The following PARK7 variants were observed in gnomAD, a reference collection of about 807,000 sequenced individuals.
PARK7 encodes Parkinsonism associated deglycase, also known as Parkinson disease protein 7.
A neutral mutation model predicts 20.5 loss-of-function variants in PARK7; 14 were observed. That is an observed-to-expected ratio of 0.68 (90% CI 0.45 to 1.07). The LOEUF (loss-of-function observed/expected upper bound fraction) is 1.07, where lower values mean the gene tolerates loss of function less well. PARK7 is among the 50% of genes least tolerant of loss of function. The pLI is 0.00. For missense variants in PARK7, 234 were observed against 238.1 expected, an observed-to-expected ratio of 0.98 and a Z score of 0.11; for synonymous variants, 98 against 84.3, an observed-to-expected ratio of 1.16 and a Z score of -0.89.
rs553447157 is a variant in PARK7 at position 7,970,034 on chromosome 1, ATTTTC to A, written c.252+635_252+639del. 5.9e-3 allele frequency among the ~76,000 whole-genome samples: 899 copies of A among 152,100 alleles called. 13 individuals are homozygous for A. Among genetic ancestry groups the A allele is most frequent in the African/African-American group, 0.021 (867 of 41,502 alleles). The stretch of plus-strand genomic sequence containing the variant: ...CATCGAGACGCCATCTCTACAAAAA[ATTTTC>A]TTTTAATTAGCTGGGCACGGTGGTG... On this transcript the variant is annotated intron_variant, in intron 4 of 6. Coordinates refer to ENST00000338639, the MANE Select transcript of PARK7 (RefSeq NM_007262.5).
At chr1:7,972,600 G>GT in intron 5 of PARK7, among the ~76,000 whole-genome samples, 1 of 152,222 alleles carries the variant, frequency 6.6e-6, no homozygotes, top group South Asian at 2.1e-4. Context: ...AGTAATTGTG[G>GT]TTTTTGCCAT....
In PARK7 at chr1:7,985,099, A is replaced by G; in HGVS notation, c.*45A>G. 6.3e-7 allele frequency: 1 copy of G among 1,599,908 alleles called. No homozygotes were observed. On this transcript the variant is annotated 3_prime_UTR_variant, in exon 7 of 7. Coordinates refer to ENST00000338639, the MANE Select transcript of PARK7 (RefSeq NM_007262.5). ...CACTTAGAGAAACAGGCCGTTAGGA[A>G]TCCATTCTCACTGTGTTCGCTCTAA...
intron 6 of PARK7, chr1:7,983,038 C>T (rs1395582448): frequency 6.6e-6 from 1 of 152,162 alleles, no homozygotes; most frequent in Non-Finnish European, 1.5e-5. Flanking sequence ...TGTTAATCTC[C>T]TTGGAAAAGA....
rs919645696 is a variant in PARK7, at chr1:7,985,304, T to C, written c.*250T>C. On this transcript the variant is annotated 3_prime_UTR_variant, in exon 7 of 7. Coordinates refer to ENST00000338639, the MANE Select transcript of PARK7 (RefSeq NM_007262.5). ...ACTACTGATTGTTTCTTGTTTTGTCTCTCATTTCTTTTGTGAAATTAAATT... is the reference window on the plus strand; with the variant it reads ...ACTACTGATTGTTTCTTGTTTTGTCCCTCATTTCTTTTGTGAAATTAAATT... 1 of 503,118 alleles carries C rather than the reference T, an allele frequency of 2.0e-6. No homozygotes were observed. The highest frequency in any genetic ancestry group is 3.6e-6 in the Non-Finnish European group (1 of 278,572). The allele number at this position is 503,118 out of a possible 1,614,324, so 31.2% of individuals were successfully genotyped here. A position where few individuals can be genotyped will look rare whatever the true frequency, so the allele number is the denominator to read the frequency against.
intron 6 of PARK7, among the ~76,000 whole-genome samples, chr1:7,978,657 A>G (rs1422885411): frequency 6.6e-6 from 1 of 152,120 alleles, no homozygotes; most frequent in Non-Finnish European, 1.5e-5. Flanking sequence ...AGCCTGGGCA[A>G]CATGGTTAAA....
At chr1:7,970,516 G>T (rs561768813) in intron 4 of PARK7, among the ~76,000 whole-genome samples, 2 of 152,198 alleles carry the variant, frequency 1.3e-5, no homozygotes, top group Non-Finnish European at 2.9e-5. Flanking sequence ...GAAGTAAGAA[G>T]TGGGTTGTGT....
intron 6 of PARK7, among the ~76,000 whole-genome samples, chr1:7,979,903 TC>T (rs1453710412): frequency 2.0e-5 from 3 of 152,144 alleles, no homozygotes; most frequent in Non-Finnish European, 4.4e-5. Flanking sequence ...ACGCCTGTAA[TC>T]CCAGCACTTG....
intron 5 of PARK7, among the ~76,000 whole-genome samples, chr1:7,974,050 C>T (rs1041830880): frequency 6.6e-6 from 1 of 151,832 alleles, no homozygotes; most frequent in Non-Finnish European, 1.5e-5. Context: ...TGGCTCATAG[C>T]TGTAATCCTA....
chr1:7,964,093 G>T (rs1004400015), intron 2 of PARK7, among the ~76,000 whole-genome samples: 1 of 152,182 alleles, frequency 6.6e-6, no homozygotes, highest in African/African-American at 2.4e-5. Flanking sequence ...GATTACAGAT[G>T]TGAGCTACTG....
At chr1:7,978,926 A>G (rs1478697048) in intron 6 of PARK7, among the ~76,000 whole-genome samples, 2 of 151,870 alleles carry the variant, frequency 1.3e-5, no homozygotes, top group African/African-American at 4.8e-5. Flanking sequence ...TATTTTAACT[A>G]AAATGAGATC....
At chr1:7,983,977 G>A (rs13328696) in intron 6 of PARK7, among the ~76,000 whole-genome samples, 7,921 of 152,260 alleles carry the variant, frequency 0.052, 688 homozygotes, top group African/African-American at 0.18. Flanking sequence ...TCAATGCTGC[G>A]AGGGCAGTAA....
At chr1:7,964,752 A>T (rs1640290552) in intron 2 of PARK7, among the ~76,000 whole-genome samples, 1 of 152,218 alleles carries the variant, frequency 6.6e-6, no homozygotes, top group Non-Finnish European at 1.5e-5. Flanking sequence ...GACTTTAAAA[A>T]TTTTTGAAAG....
intron 6 of PARK7, among the ~76,000 whole-genome samples, chr1:7,982,168 G>A (rs1271227710): frequency 7.0e-6 from 1 of 143,048 alleles, no homozygotes; most frequent in Admixed American, 7.0e-5. Context: ...TTTTTTTTTA[G>A]TAGAGGCGGG....
Position 7,962,791 on chromosome 1 carries a change from T to C in PARK7, c.6T>C (p.Ala2=), listed in dbSNP as rs1050825335. Residue 2 remains alanine (A), a synonymous_variant, in exon 2 of 7, where the codon GCT becomes GCC. Coordinates refer to ENST00000338639, the MANE Select transcript of PARK7 (RefSeq NM_007262.5). ...TGTAAACATATAACATAAAAATGGCTTCCAAAAGAGCTCTGGTCATCCTGG... is the reference window on the plus strand; with the variant it reads ...TGTAAACATATAACATAAAAATGGCCTCCAAAAGAGCTCTGGTCATCCTGG... M[A]SKRALVILAK... is the part of the protein sequence containing the mutation. The C allele has an allele frequency of 6.2e-7, 1 of 1,610,172 alleles. No individual in the cohort carries two copies. The highest frequency in any genetic ancestry group is 8.5e-7 in the Non-Finnish European group (1 of 1,177,078).
At chr1:7,971,424 T>G (rs1640462685) in intron 5 of PARK7, 1 of 195,114 alleles carries the variant, frequency 5.1e-6, no homozygotes, top group Admixed American at 5.3e-5. Context: ...CGAGTGATCT[T>G]GGGCACCGCA....
At chr1:7,969,454 A>T (rs1640408034) in intron 4 of PARK7, 50 bp downstream of exon 4, 2 of 1,249,000 alleles carry the variant, frequency 1.6e-6, no homozygotes, top group Non-Finnish European at 2.3e-6. Context: ...GGGGGGGAAA[A>T]ACTAAAGAAT....
Position 7,984,926 on chromosome 1 carries a change from A to T in PARK7, c.442A>T (p.Lys148Ter), listed in dbSNP as rs1473507300. The T allele has an allele frequency of 6.2e-7, 1 of 1,614,108 alleles. No individual in the cohort carries two copies. Among genetic ancestry groups the T allele is most frequent in the African/African-American group, 1.3e-5 (1 of 74,928 alleles). Residue 148 changes from lysine (K) to a stop codon, truncating the protein, a stop_gained, in exon 7 of 7, where the codon AAA (lysine) becomes TAA (stop). Transcript: ENST00000338639. LOFTEE classifies it high-confidence loss of function. The surrounding 1 kb of genome is among the most constrained non-coding windows in gnomAD (Gnocchi z 4.3). ...HYTYSENRVE[K>*]DGLILTSRGP... ...CACCTACTCTGAGAATCGTGTGGAA[A>T]AAGACGGCCTGATTCTTACAAGCCG...
chr1:7,985,070 C>T lies in PARK7; in HGVS notation c.*16C>T, dbSNP rs540890409. On this transcript the variant is annotated 3_prime_UTR_variant, in exon 7 of 7. Coordinates refer to ENST00000338639, the MANE Select transcript of PARK7 (RefSeq NM_007262.5). ...TAAAGACTAGAGCAGCGAACTGCGA[C>T]GATCACTTAGAGAAACAGGCCGTTA... 36 of 1,612,808 alleles carry T rather than the reference C, an allele frequency of 2.2e-5. No homozygotes were observed. The Admixed American group carries it at 4.3e-4, about 19-fold the overall frequency.
At chr1:7,967,791 A>G (rs1640359548) in intron 3 of PARK7, among the ~76,000 whole-genome samples, 1 of 152,066 alleles carries the variant, frequency 6.6e-6, no homozygotes, top group Non-Finnish European at 1.5e-5. Context: ...GTGGTGGTGC[A>G]TGCCTGTAGT....
Sources: gnomAD v4.1 joint callset for allele counts (sites outside exome capture counted in the v4.1 genomes callset) on GRCh38, gnomAD v4.1.1 for gene constraint, Gnocchi (gnomAD v3.1) non-coding constraint, MANE v1.5 for transcripts, NCBI Gene and HGNC (gene_info 2026-07-23, HGNC 2026-07-21) for gene names.